The following CHSY3 variants were observed in gnomAD, a reference collection of about 807,000 sequenced individuals.
CHSY3 encodes chondroitin sulfate synthase 3.
A neutral mutation model predicts 67.2 loss-of-function variants in CHSY3; 35 were observed. The observed-to-expected ratio is 0.52, with a 90% CI of 0.40 to 0.69. The LOEUF (loss-of-function observed/expected upper bound fraction) is 0.69, where lower values mean the gene tolerates loss of function less well. Ranked by LOEUF, CHSY3 falls within the 30% of genes least tolerant of loss-of-function variation. CHSY3 has a pLI of 0.00. For synonymous variants in CHSY3, 474 were observed against 434.7 expected, an observed-to-expected ratio of 1.09 and a Z score of -1.12; for missense variants, 1,069 against 1,138.5, an observed-to-expected ratio of 0.94 and a Z score of 0.88.
intron 2 of CHSY3, among the ~76,000 whole-genome samples, chr5:130,123,241 A>G (rs1423700242): frequency 6.6e-6 from 1 of 152,244 alleles, no homozygotes; most frequent in East Asian, 1.9e-4. Flanking sequence ...CTGTTTCAGA[A>G]AGAGAGTATG....
Position 130,039,058 on chromosome 5 carries a change from T to G in CHSY3, c.1086+130698T>G, listed in dbSNP as rs185517526. Among the ~76,000 whole-genome samples the G allele has an allele frequency of 2.0e-3, 309 of 152,178 alleles. 3 individuals are homozygous for G. The highest frequency in any genetic ancestry group is 6.8e-3 in the Middle Eastern group (2 of 292). On this transcript the variant is annotated intron_variant, in intron 2 of 2. Coordinates refer to ENST00000305031, the MANE Select transcript of CHSY3 (RefSeq NM_175856.5). The stretch of plus-strand genomic sequence containing the variant: ...GAAAGAAAATAAAAAATTAATAGAT[T>G]AGGGTTATAATATTTTCAAGACATT...
chr5:130,054,441 T>C (rs1189305272), intron 2 of CHSY3, among the ~76,000 whole-genome samples: 1 of 152,158 alleles, frequency 6.6e-6, no homozygotes, highest in Non-Finnish European at 1.5e-5. Context: ...AGAATCAGGA[T>C]TCCTTGTTAG....
intron 2 of CHSY3, among the ~76,000 whole-genome samples, chr5:129,941,002 T>G (rs564126148): frequency 6.6e-6 from 1 of 152,146 alleles, no homozygotes; most frequent in East Asian, 1.9e-4. Context: ...AAGGATTACT[T>G]GAAGCCAGGA....
chr5:130,102,569 G>T (rs1015176467), intron 2 of CHSY3, among the ~76,000 whole-genome samples: 2 of 151,646 alleles, frequency 1.3e-5, no homozygotes, highest in Admixed American at 1.3e-4. Context: ...GTGTAGAGCA[G>T]CACAATGATT....
chr5:130,184,791 G>T lies in CHSY3; in HGVS notation c.1649G>T (p.Gly550Val). 1.2e-6 allele frequency: 2 copies of T among 1,607,880 alleles called. No individual in the cohort carries two copies. The highest frequency in any genetic ancestry group is 8.5e-7 in the Non-Finnish European group (1 of 1,174,338). Residue 550 changes from glycine (G) to valine (V), a missense_variant, in exon 3 of 3, where the codon GGA (glycine) becomes GTA (valine). Transcript: ENST00000305031. ...DLLLLYKRHK[G>V]RKLTVPVRRH... ...CTCCTTTTATACAAAAGACACAAGG[G>T]AAGGAAACTGACTGTGCCAGTGAGA...
chr5:130,150,731 C>A (rs939459258), intron 2 of CHSY3, among the ~76,000 whole-genome samples: 19 of 152,166 alleles, frequency 1.2e-4, no homozygotes, highest in African/African-American at 4.3e-4. Flanking sequence ...GATGTCCTTA[C>A]TAATGAAGGA....
At chr5:129,949,005 T>A (rs1344624384) in intron 2 of CHSY3, among the ~76,000 whole-genome samples, 1 of 152,184 alleles carries the variant, frequency 6.6e-6, no homozygotes, top group Non-Finnish European at 1.5e-5. Flanking sequence ...TCCCACTCTA[T>A]GGGTTGTCTG....
chr5:129,955,379 G>C (rs529521598), intron 2 of CHSY3, among the ~76,000 whole-genome samples: 135 of 151,798 alleles, frequency 8.9e-4, no homozygotes, highest in Non-Finnish European at 1.6e-3. Context: ...ATTCTTTCCT[G>C]GTTATCATTG....
intron 2 of CHSY3, among the ~76,000 whole-genome samples, chr5:130,074,953 G>A (rs1218844858): frequency 1.3e-5 from 2 of 152,040 alleles, no homozygotes; most frequent in Non-Finnish European, 1.5e-5. Flanking sequence ...TTGTTCCTGA[G>A]CTGTATTTAG....
chr5:129,936,817 C>T (rs1761508327), intron 2 of CHSY3, among the ~76,000 whole-genome samples: 1 of 152,104 alleles, frequency 6.6e-6, no homozygotes, highest in Non-Finnish European at 1.5e-5. Flanking sequence ...ATTCATGTTG[C>T]CCTGCATTCT....
intron 2 of CHSY3, among the ~76,000 whole-genome samples, chr5:129,982,804 ATTAAGT>A (rs979260781): frequency 2.0e-5 from 3 of 152,092 alleles, no homozygotes; most frequent in Non-Finnish European, 2.9e-5. Flanking sequence ...TGATTTAAAA[ATTAAGT>A]TTATTTCACT....
At chr5:130,119,964 T>A (rs1013412728) in intron 2 of CHSY3, among the ~76,000 whole-genome samples, 4 of 152,228 alleles carry the variant, frequency 2.6e-5, no homozygotes, top group African/African-American at 9.6e-5. Flanking sequence ...TGACATTGTG[T>A]CTGCTTCTTT....
chr5:130,147,734 T>C (rs1384020245), intron 2 of CHSY3, among the ~76,000 whole-genome samples: 1 of 152,186 alleles, frequency 6.6e-6, no homozygotes, highest in Non-Finnish European at 1.5e-5. Flanking sequence ...AGTTTGCATG[T>C]CACATGGAAA....
chr5:130,035,994 C>T (rs1489392394), intron 2 of CHSY3, among the ~76,000 whole-genome samples: 1 of 139,434 alleles, frequency 7.2e-6, no homozygotes, highest in Non-Finnish European at 1.5e-5. Context: ...GATGTACATT[C>T]TAAAAATGTG....
Position 130,185,875 on chromosome 5 carries a change from T to G in CHSY3, c.*84T>G, listed in dbSNP as rs187472554. On this transcript the variant is annotated 3_prime_UTR_variant, in exon 3 of 3. Coordinates refer to ENST00000305031, the MANE Select transcript of CHSY3 (RefSeq NM_175856.5). Reference sequence around the variant, plus strand: ...GTTATTTTTATTGTATTATTGTTATTTTATTATTATTATTGTTATAATTTT... The same window carrying G: ...GTTATTTTTATTGTATTATTGTTATGTTATTATTATTATTGTTATAATTTT... The G allele has an allele frequency of 1.2e-4, 81 of 681,842 alleles. No individual in the cohort carries two copies. In the Admixed American group the frequency reaches 3.0e-3, roughly 25 times the overall value. 42.2% of individuals were successfully genotyped at this position (681,842 alleles called of 1,614,324 possible). A position where few individuals can be genotyped will look rare whatever the true frequency, so the allele number is the denominator to read the frequency against.
intron 2 of CHSY3, among the ~76,000 whole-genome samples, chr5:130,084,308 G>T (rs758517661): frequency 3.3e-5 from 5 of 151,918 alleles, no homozygotes; most frequent in Non-Finnish European, 7.4e-5. Flanking sequence ...TAAAACAGAA[G>T]ATTTTAAATT....
chr5:129,960,448 A>C (rs2149607191), intron 2 of CHSY3, among the ~76,000 whole-genome samples: 1 of 152,170 alleles, frequency 6.6e-6, no homozygotes, highest in African/African-American at 2.4e-5. Flanking sequence ...TTTTCTTGTG[A>C]AATGACTTGG....
chr5:129,956,564 T>G (rs1173719491), intron 2 of CHSY3, among the ~76,000 whole-genome samples: 1 of 152,178 alleles, frequency 6.6e-6, no homozygotes, highest in African/African-American at 2.4e-5. Context: ...TTTAATAATA[T>G]CCCATTTGTC....
At chr5:130,098,519 C>T (rs60248597) in intron 2 of CHSY3, among the ~76,000 whole-genome samples, 2,648 of 152,146 alleles carry the variant, frequency 0.017, 86 homozygotes, top group African/African-American at 0.06. Context: ...AATAAGACTT[C>T]TCTGAAACAA....
Sources: allele counts gnomAD v4.1 joint callset (sites outside exome capture counted in the v4.1 genomes callset), GRCh38; gene constraint gnomAD v4.1.1; transcripts MANE v1.5; gene names NCBI Gene and HGNC (gene_info 2026-07-23, HGNC 2026-07-21).